AVEN: variants seen among roughly 807,000 people sequenced by gnomAD.
AVEN encodes cell death regulator Aven.
AVEN carries 41 observed loss-of-function variants against 38.1 expected under a neutral mutation model. The observed-to-expected ratio is 1.08, with a 90% CI of 0.84 to 1.40. The LOEUF (loss-of-function observed/expected upper bound fraction) is 1.40. Ranked by LOEUF, AVEN falls within the 40% of genes most tolerant of loss-of-function variation. The pLI is 0.00. For missense variants in AVEN, 605 were observed against 438.8 expected (o/e 1.38, Z -3.38); for synonymous variants, 206 against 171.8 (o/e 1.20, Z -1.56).
At chr15:33,894,166 T>C (rs1188136671) in intron 2 of AVEN, among the ~76,000 whole-genome samples, 2 of 151,982 alleles carry the variant, frequency 1.3e-5, no homozygotes, top group Admixed American at 6.6e-5. Flanking sequence ...GCCAGGCTGA[T>C]CTCAAACTCT....
intron 2 of AVEN, among the ~76,000 whole-genome samples, chr15:33,952,197 C>A (rs1200751215): frequency 2.0e-5 from 3 of 152,094 alleles, no homozygotes; most frequent in African/African-American, 7.2e-5. Flanking sequence ...ATGATATTAT[C>A]TTCAATAGCA....
At chr15:33,901,935 G>A (rs2153043355) in intron 2 of AVEN, among the ~76,000 whole-genome samples, 1 of 152,246 alleles carries the variant, frequency 6.6e-6, no homozygotes, top group East Asian at 1.9e-4. Flanking sequence ...CAGATATGTA[G>A]TCTGTGAATA....
At chr15:33,996,447 A>C (rs1285680889) in intron 2 of AVEN, among the ~76,000 whole-genome samples, 1 of 152,212 alleles carries the variant, frequency 6.6e-6, no homozygotes, top group Non-Finnish European at 1.5e-5. Context: ...CTGACACCTC[A>C]TACAGGCGGG....
intron 5 of AVEN, among the ~76,000 whole-genome samples, chr15:34,052,163 T>G (rs1030331997): frequency 1.3e-5 from 2 of 152,208 alleles, no homozygotes; most frequent in Non-Finnish European, 2.9e-5. Flanking sequence ...TCAAGTTGGC[T>G]TCATCCCTGG....
Position 34,063,652 on chromosome 15 carries a change from A to C in AVEN, n.1127-220T>G, listed in dbSNP as rs1900425425. The stretch of plus-strand genomic sequence containing the variant: ...AGCAGCTACCCTTCCTCAGAGGATG[A>C]GGACAAGCCCGCCACTGACCCTGTC... On this transcript the variant is annotated intron_variant and non_coding_transcript_variant, in intron 4 of 11. Coordinates refer to the AVEN transcript ENST00000675287. The surrounding 1 kb of genome is among the most constrained non-coding windows in gnomAD (Gnocchi z 4.1). The C allele has an allele frequency of 1.1e-5, 18 of 1,614,050 alleles. No homozygotes were observed. Among genetic ancestry groups the C allele is most frequent in the Non-Finnish European group, 1.4e-5 (17 of 1,180,036 alleles).
downstream of AVEN, chr15:33,865,892 A>ATTCATACAAGTTTTTT (rs1233768217): frequency 1.3e-5 from 2 of 152,420 alleles, no homozygotes; most frequent in Non-Finnish European, 2.9e-5. Flanking sequence ...CTTGAAGGTT[A>ATTCATACAAGTTTTTT]TTCATACAAG....
At chr15:33,974,650 G>A (rs1330046788) in intron 2 of AVEN, among the ~76,000 whole-genome samples, 1 of 152,192 alleles carries the variant, frequency 6.6e-6, no homozygotes, top group South Asian at 2.1e-4. Flanking sequence ...AGAAATCTGT[G>A]ATTTGATGTT....
At chr15:33,898,806 C>T (rs1892355524) in intron 2 of AVEN, among the ~76,000 whole-genome samples, 1 of 152,076 alleles carries the variant, frequency 6.6e-6, no homozygotes, top group Non-Finnish European at 1.5e-5. Flanking sequence ...ATGACAAATG[C>T]CACAAAAAGA....
intron 2 of AVEN, among the ~76,000 whole-genome samples, chr15:33,947,189 A>G (rs753373997): frequency 3.3e-5 from 5 of 152,170 alleles, no homozygotes; most frequent in Admixed American, 6.5e-5. Flanking sequence ...CTCCTTTCCC[A>G]TCTAACTCTG....
chr15:33,864,446 CAATATGA>C (rs1192518129), downstream of AVEN, among the ~76,000 whole-genome samples: 8 of 152,032 alleles, frequency 5.3e-5, no homozygotes, highest in Non-Finnish European at 1.0e-4. Flanking sequence ...ATTACAGAGA[CAATATGA>C]AATAAGAAAT....
chr15:33,903,037 A>G (rs1282847432), intron 2 of AVEN, among the ~76,000 whole-genome samples: 1 of 152,154 alleles, frequency 6.6e-6, no homozygotes, highest in Admixed American at 6.5e-5. Context: ...CCCTCACCTT[A>G]TAAAACAGAG....
At chr15:33,859,518 C>G (rs1020833628) in intron 11 of AVEN, 13 of 1,591,132 alleles carry the variant, frequency 8.2e-6, no homozygotes, top group Non-Finnish European at 2.6e-6. Context: ...ATCTGAGCAT[C>G]TTGCTAAAAA....
rs56972355 is a variant in AVEN at position 33,935,395 on chromosome 15, T to C, written c.446-59400A>G. 1.4e-3 allele frequency among the ~76,000 whole-genome samples: 213 copies of C among 152,300 alleles called. 6 individuals carry two copies. The East Asian group carries it at 0.037, about 26-fold the overall frequency. ...TTTGTAATGTGGTTTGTAATTCACA[T>C]AAGGATCTAAGTAGCATTTTTTTGA... On this transcript the variant is annotated intron_variant, in intron 2 of 5. Transcript: ENST00000306730.
intron 2 of AVEN, among the ~76,000 whole-genome samples, chr15:33,932,373 A>G (rs1305157744): frequency 6.6e-6 from 1 of 152,194 alleles, no homozygotes; most frequent in Non-Finnish European, 1.5e-5. Flanking sequence ...CAGTGCCATG[A>G]AGACAGACAT....
downstream of AVEN, chr15:33,857,937 GC>G: frequency 2.9e-6 from 4 of 1,379,592 alleles, no homozygotes; most frequent in Admixed American, 1.9e-5. Context: ...CCACTGCGGG[GC>G]CAGCCCACCC....
intron 1 of AVEN, among the ~76,000 whole-genome samples, chr15:34,015,090 G>A (rs1431018992): frequency 6.6e-6 from 1 of 152,068 alleles, no homozygotes; most frequent in Non-Finnish European, 1.5e-5. Flanking sequence ...GGGAAAACTG[G>A]CTTTCCATGA....
rs74782359 is a variant in AVEN at position 33,989,181 on chromosome 15, G to T, written c.445+13851C>A. On this transcript the variant is annotated intron_variant, in intron 2 of 5. Coordinates refer to ENST00000306730, the MANE Select transcript of AVEN (RefSeq NM_020371.3). ...AAAAAAGCTAAATAAAAGAGAAGATGAGTTAATGATCATTTATTTTTCTAA... is the reference window on the plus strand; with the variant it reads ...AAAAAAGCTAAATAAAAGAGAAGATTAGTTAATGATCATTTATTTTTCTAA... Among the ~76,000 whole-genome samples, 644 of 152,148 alleles carry T rather than the reference G, an allele frequency of 4.2e-3. 6 individuals carry two copies. Among genetic ancestry groups the T allele is most frequent in the African/African-American group, 0.015 (616 of 41,518 alleles).
intron 5 of AVEN, among the ~76,000 whole-genome samples, chr15:34,044,670 T>C (rs1264185022): frequency 6.6e-6 from 1 of 152,220 alleles, no homozygotes; most frequent in Non-Finnish European, 1.5e-5. Context: ...CCATAGCCTG[T>C]GGCAGGAGTC....
At chr15:34,057,185 G>A (rs1900188597) in intron 5 of AVEN, among the ~76,000 whole-genome samples, 1 of 150,864 alleles carries the variant, frequency 6.6e-6, no homozygotes, top group South Asian at 2.1e-4. Flanking sequence ...CCAGGCTGGA[G>A]TGCAGTCGCA....
Sources: gnomAD v4.1 joint callset for allele counts (sites outside exome capture counted in the v4.1 genomes callset) on GRCh38, gnomAD v4.1.1 for gene constraint, Gnocchi (gnomAD v3.1) non-coding constraint, MANE v1.5 for transcripts, NCBI Gene and HGNC (gene_info 2026-07-23, HGNC 2026-07-21) for gene names.